The following CDH4 variants were observed in gnomAD, a reference collection of about 807,000 sequenced individuals.
CDH4 encodes cadherin 4, also known as cadherin-4.
In CDH4, 33 loss-of-function variants were observed where a neutral mutation model predicts 86.0. That is an observed-to-expected ratio of 0.38 (90% CI 0.29 to 0.51). The LOEUF (loss-of-function observed/expected upper bound fraction) is 0.51. CDH4 is among the 20% of genes least tolerant of loss of function. The probability of loss-of-function intolerance (pLI) is 0.86; values close to 1 mark genes in which losing one functional copy is unlikely to be tolerated. For synonymous variants in CDH4, 555 were observed against 549.4 expected (o/e 1.01, Z -0.14); for missense variants, 1,114 against 1,307.4 (o/e 0.85, Z 2.28).
intron 2 of CDH4, among the ~76,000 whole-genome samples, chr20:61,566,080 T>C (rs1223756805): frequency 6.6e-6 from 1 of 152,200 alleles, no homozygotes; most frequent in Non-Finnish European, 1.5e-5. Context: ...TCTGCTTCCC[T>C]GGTGCCTCGG....
chr20:61,313,586 A>G (rs950684849), intron 2 of CDH4, among the ~76,000 whole-genome samples: 1 of 152,334 alleles, frequency 6.6e-6, no homozygotes, highest in Admixed American at 6.5e-5. Context: ...TGCAGCCTGC[A>G]TGAGATGAAT....
intron 2 of CDH4, among the ~76,000 whole-genome samples, chr20:61,615,567 T>C (rs1166793553): frequency 6.6e-6 from 1 of 152,212 alleles, no homozygotes; most frequent in Non-Finnish European, 1.5e-5. Context: ...TAATGGATAT[T>C]GGGGAGTTGG....
chr20:61,639,679 G>T (rs1028495289), intron 2 of CDH4, among the ~76,000 whole-genome samples: 9 of 152,094 alleles, frequency 5.9e-5, no homozygotes, highest in Admixed American at 2.6e-4. Flanking sequence ...AGAGAAAGAG[G>T]CTGTTTCCCT....
chr20:61,778,972 A>G (rs1978388691), intron 4 of CDH4, among the ~76,000 whole-genome samples: 1 of 152,190 alleles, frequency 6.6e-6, no homozygotes, highest in Non-Finnish European at 1.5e-5. Context: ...TTCAGGAACC[A>G]CCAAGCAATC....
At chr20:61,692,458 ATAG>A (rs1225152733) in intron 2 of CDH4, among the ~76,000 whole-genome samples, 2 of 151,708 alleles carry the variant, frequency 1.3e-5, no homozygotes, top group Non-Finnish European at 3.0e-5. Flanking sequence ...TTTGAAATAG[ATAG>A]ACTGACATAA....
intron 2 of CDH4, among the ~76,000 whole-genome samples, chr20:61,271,312 C>G (rs1312504879): frequency 6.6e-6 from 1 of 152,148 alleles, no homozygotes; most frequent in Non-Finnish European, 1.5e-5. Context: ...GCCTGGCTTC[C>G]GAAATAATTG....
chr20:61,812,516 A>G (rs1011728666), intron 4 of CDH4, among the ~76,000 whole-genome samples: 1 of 152,146 alleles, frequency 6.6e-6, no homozygotes, highest in African/African-American at 2.4e-5. Flanking sequence ...TCTTTGACGT[A>G]TCCTTTAACC....
rs543405751 is a variant in CDH4 at position 61,614,041 on chromosome 20, C to T, written c.170-129522C>T. ...TGTATGAGAGGAGAGGTGGCAGGGACGGACGTGTGGTGGAATGAGAAATTG... is the reference window on the plus strand; with the variant it reads ...TGTATGAGAGGAGAGGTGGCAGGGATGGACGTGTGGTGGAATGAGAAATTG... On this transcript the variant is annotated intron_variant, in intron 2 of 15. Transcript: ENST00000614565. Among the ~76,000 whole-genome samples, 15 of 152,168 alleles carry T rather than the reference C, an allele frequency of 9.9e-5. No homozygotes were observed. In the South Asian group the frequency reaches 2.5e-3, roughly 25 times the overall value.
At position 61,510,997 on chromosome 20, in the gene CDH4, TC is replaced by T. The variant is rs1276245794; in HGVS notation, c.170-232563del. ...GTCTCACACTTTTTAATAACCAGAT[TC>T]CCTGTGAACTCAGAGCAAGAGCCTA... On this transcript the variant is annotated intron_variant, in intron 2 of 15. Transcript: ENST00000614565. The surrounding 1 kb of genome is among the most constrained non-coding windows in gnomAD (Gnocchi z 4.2). Among the ~76,000 whole-genome samples the T allele has an allele frequency of 1.3e-5, 2 of 151,998 alleles. No homozygotes were observed. Among genetic ancestry groups the T allele is most frequent in the African/African-American group, 4.8e-5 (2 of 41,444 alleles).
intron 2 of CDH4, among the ~76,000 whole-genome samples, chr20:61,588,960 C>T (rs970001602): frequency 5.9e-5 from 9 of 152,218 alleles, no homozygotes; most frequent in South Asian, 2.1e-4. Flanking sequence ...TAAAAACACA[C>T]GCGGAGATAA....
chr20:61,803,294 C>G (rs4925293), intron 4 of CDH4, among the ~76,000 whole-genome samples: 58,127 of 152,060 alleles, frequency 0.38, 11,210 homozygotes, highest in East Asian at 0.42. Flanking sequence ...AGAAGCCAGG[C>G]AGAGAAGTGC....
intron 4 of CDH4, among the ~76,000 whole-genome samples, chr20:61,779,278 C>G (rs1029183893): frequency 6.6e-6 from 1 of 152,132 alleles, no homozygotes; most frequent in Non-Finnish European, 1.5e-5. Flanking sequence ...CTCCTGGGTG[C>G]GAATCCTTTC....
intron 2 of CDH4, among the ~76,000 whole-genome samples, chr20:61,302,912 G>A (rs921988630): frequency 2.6e-5 from 4 of 152,188 alleles, no homozygotes; most frequent in African/African-American, 9.7e-5. Flanking sequence ...AATGTGAGGA[G>A]GGAAGCAGAG....
intron 2 of CDH4, among the ~76,000 whole-genome samples, chr20:61,568,354 C>T (rs934223909): frequency 3.9e-5 from 6 of 152,142 alleles, no homozygotes; most frequent in Admixed American, 6.5e-5. Flanking sequence ...TTTTTCCCTT[C>T]GTTCCACACT....
chr20:61,343,994 C>G (rs922354259), intron 2 of CDH4, among the ~76,000 whole-genome samples: 1 of 152,012 alleles, frequency 6.6e-6, no homozygotes, highest in Non-Finnish European at 1.5e-5. Flanking sequence ...ATTGTACCTA[C>G]GTGAAGAATG....
chr20:61,252,402 AGCGGCG>A lies in CDH4; in HGVS notation c.-99_-94del, dbSNP rs1298926096. On this transcript the variant is annotated 5_prime_UTR_variant, in exon 1 of 16. Transcript: ENST00000614565. This position sits in a 1 kb window ranked among gnomAD's most constrained non-coding sequence, Gnocchi z 4.4. ...TGGAGGCTCCGGGCAGGCGCGGGGGAGCGGCGGCGGCGGCGGCGATCGGAGCGGCGG... is the reference window on the plus strand; with the variant it reads ...TGGAGGCTCCGGGCAGGCGCGGGGGAGCGGCGGCGGCGATCGGAGCGGCGG... 8.5e-6 allele frequency: 3 copies of A among 353,410 alleles called. No individual in the cohort carries two copies. Among genetic ancestry groups the A allele is most frequent in the South Asian group, 1.1e-4 (1 of 9,324 alleles). The allele number at this position is 353,410 out of a possible 1,614,324, so 21.9% of individuals were successfully genotyped here.
chr20:61,895,075 G>A (rs761416568), intron 8 of CDH4, 28 bp downstream of exon 8: 31 of 1,610,366 alleles, frequency 1.9e-5, no homozygotes, highest in Non-Finnish European at 2.4e-5. Context: ...GCCCAGTGAC[G>A]CATGGCCCGT....
At chr20:61,673,539 C>T (rs934418102) in intron 2 of CDH4, among the ~76,000 whole-genome samples, 3 of 152,184 alleles carry the variant, frequency 2.0e-5, no homozygotes, top group African/African-American at 7.2e-5. Flanking sequence ...TCTGATATTC[C>T]GTGGGAGCAG....
At chr20:61,519,066 G>A (rs549377530) in intron 2 of CDH4, among the ~76,000 whole-genome samples, 3 of 152,280 alleles carry the variant, frequency 2.0e-5, no homozygotes, top group East Asian at 1.9e-4. Context: ...TCTGTAAGTC[G>A]CTGAGTATGA....
Sources: gnomAD v4.1 joint callset for allele counts (sites outside exome capture counted in the v4.1 genomes callset) on GRCh38, gnomAD v4.1.1 for gene constraint, Gnocchi (gnomAD v3.1) non-coding constraint, MANE v1.5 for transcripts, NCBI Gene and HGNC (gene_info 2026-07-23, HGNC 2026-07-21) for gene names.